Variants in ABHD17A observed in about 807,000 individuals in gnomAD.
ABHD17A encodes alpha/beta hydrolase domain-containing protein 17A.
ABHD17A carries 10 observed loss-of-function variants against 26.8 expected under a neutral mutation model. The observed-to-expected ratio is 0.37, with a 90% CI of 0.23 to 0.63. The LOEUF (loss-of-function observed/expected upper bound fraction) is 0.63. Ranked by LOEUF, ABHD17A falls within the 30% of genes least tolerant of loss-of-function variation. ABHD17A has a pLI of 0.61. For missense variants in ABHD17A, 292 were observed against 457.3 expected (o/e 0.64, Z 3.30); for synonymous variants, 167 against 210.9 (o/e 0.79, Z 1.80).
Position 1,880,770 on chromosome 19 carries a change from T to TGCCAGGAGCAGGTGGC in ABHD17A, c.332+449_332+464dup, listed in dbSNP as rs2092252279. ...CCAGCACGGGAGCTGCCCCAGGTGGTGCCAGGAGCAGGTGGCCAGGCTGGC... is the reference window on the plus strand; with the variant it reads ...CCAGCACGGGAGCTGCCCCAGGTGGTGCCAGGAGCAGGTGGCGCCAGGAGCAGGTGGCCAGGCTGGC... On this transcript the variant is annotated intron_variant, in intron 2 of 4. Transcript: ENST00000292577. The surrounding 1 kb of genome is among the most constrained non-coding windows in gnomAD (Gnocchi z 4.1). 1.5e-6 allele frequency: 2 copies of TGCCAGGAGCAGGTGGC among 1,361,706 alleles called. No individual in the cohort carries two copies. The highest frequency in any genetic ancestry group is 1.4e-5 in the South Asian group (1 of 72,248). The allele number at this position is 1,361,706 out of a possible 1,614,324, so 84.4% of individuals were successfully genotyped here. A position where few individuals can be genotyped will look rare whatever the true frequency, so the allele number is the denominator to read the frequency against.
Position 1,881,638 on chromosome 19 carries a change from G to A in ABHD17A, c.-72C>T, listed in dbSNP as rs1443708282. 7.0e-6 allele frequency: 10 copies of A among 1,427,636 alleles called. No individual in the cohort carries two copies. The highest frequency in any genetic ancestry group is 1.5e-5 in the African/African-American group (1 of 66,770). The allele number at this position is 1,427,636 out of a possible 1,614,324, so 88.4% of individuals were successfully genotyped here. ...ACGCCGCCCGGCCTGGCCCGGCAGG[G>A]GAGGGGTGGGGGTGCTCCGAGTCGC... On this transcript the variant is annotated 5_prime_UTR_variant, in exon 2 of 5. Coordinates refer to ENST00000292577, the MANE Select transcript of ABHD17A (RefSeq NM_001130111.2).
At position 1,877,136 on chromosome 19, in the gene ABHD17A, G is replaced by A. The variant is rs1303903669; in HGVS notation, c.*64C>T. Reference sequence around the variant, plus strand: ...GGTCCACATGCAGCCCCTGGGTGGGGGCCGGCGCGGGGTGAGGTCCGGGGG... The same window carrying A: ...GGTCCACATGCAGCCCCTGGGTGGGAGCCGGCGCGGGGTGAGGTCCGGGGG... On this transcript the variant is annotated 3_prime_UTR_variant, in exon 5 of 5. Transcript: ENST00000292577. The A allele has an allele frequency of 1.8e-5, 27 of 1,461,706 alleles. No individual in the cohort carries two copies. The highest frequency in any genetic ancestry group is 2.0e-5 in the Non-Finnish European group (22 of 1,085,640). 90.5% of individuals were successfully genotyped at this position (1,461,706 alleles called of 1,614,324 possible). A position where few individuals can be genotyped will look rare whatever the true frequency, so the allele number is the denominator to read the frequency against.
rs2012455083 is a variant in ABHD17A, at chr19:1,879,247, C to T, written c.527+674G>A. The stretch of plus-strand genomic sequence containing the variant: ...TGGGCAGGGCCAGGACGAGACAGGC[C>T]CAGTGGATGGTGAGCAGGAAAAGCC... On this transcript the variant is annotated intron_variant, in intron 3 of 4. Transcript: ENST00000292577. This position sits in a 1 kb window ranked among gnomAD's most constrained non-coding sequence, Gnocchi z 7.6. 6.4e-6 allele frequency: 1 copy of T among 157,416 alleles called. No homozygotes were observed. Among genetic ancestry groups the T allele is most frequent in the African/African-American group, 2.4e-5 (1 of 41,450 alleles). The allele number at this position is 157,416 out of a possible 1,614,324, so 9.8% of individuals were successfully genotyped here.
rs1295508904 is a variant in ABHD17A at position 1,880,656 on chromosome 19, C to G, written c.333-541G>C. Among the ~76,000 whole-genome samples the G allele has an allele frequency of 2.0e-5, 3 of 152,152 alleles. No individual in the cohort carries two copies. The East Asian group carries it at 5.8e-4, about 29-fold the overall frequency. ...CACCCCTGCCCCCAACAAGCAAATG[C>G]GGCCAATCTCTGCTCACACTCATGC... On this transcript the variant is annotated intron_variant, in intron 2 of 4. Coordinates refer to ENST00000292577, the MANE Select transcript of ABHD17A (RefSeq NM_001130111.2). The surrounding 1 kb of genome is among the most constrained non-coding windows in gnomAD (Gnocchi z 4.1).
chr19:1,884,375 C>T (rs925166873), intron 1 of ABHD17A, among the ~76,000 whole-genome samples: 14 of 152,148 alleles, frequency 9.2e-5, no homozygotes, highest in African/African-American at 3.1e-4. Context: ...CACTAATGGG[C>T]GTGGACTGGG....
At position 1,880,864 on chromosome 19, in the gene ABHD17A, C is replaced by T. The variant is rs1200293748; in HGVS notation, c.332+371G>A. On this transcript the variant is annotated intron_variant, in intron 2 of 4. Coordinates refer to ENST00000292577, the MANE Select transcript of ABHD17A (RefSeq NM_001130111.2). The surrounding 1 kb of genome is among the most constrained non-coding windows in gnomAD (Gnocchi z 4.1). ...AGCCCAGCCAGAAGGTAAAGGCTCG[C>T]CCTCTGGACTCAGATCTGGTCAGAA... The T allele has an allele frequency of 6.2e-7, 1 of 1,612,112 alleles. No individual in the cohort carries two copies. The highest frequency in any genetic ancestry group is 8.5e-7 in the Non-Finnish European group (1 of 1,179,446).
chr19:1,877,334 A>G lies in ABHD17A; in HGVS notation c.799T>C (p.Tyr267His). 1 of 1,534,064 alleles carries G rather than the reference A, an allele frequency of 6.5e-7. No individual in the cohort carries two copies. Among genetic ancestry groups the G allele is most frequent in the Non-Finnish European group, 8.7e-7 (1 of 1,146,286 alleles). ...TCCACCGCCTTGGGGCAGCGCTCGTAGAGCGCCAGCCCGTGCGAGAAGTCG... is the reference window on the plus strand; with the variant it reads ...TCCACCGCCTTGGGGCAGCGCTCGTGGAGCGCCAGCCCGTGCGAGAAGTCG... The part of the protein sequence containing the change: ...VIDFSHGLAL[Y>H]ERCPKAVEPL... The change falls in exon 5 of 5, where the codon TAC (tyrosine) becomes CAC (histidine). Residue 267 changes from tyrosine to histidine, a missense_variant. Coordinates refer to ENST00000292577, the MANE Select transcript of ABHD17A (RefSeq NM_001130111.2).
At position 1,881,746 on chromosome 19, in the gene ABHD17A, C is replaced by T. The variant is rs1376229378; in HGVS notation, c.-180G>A. 2 of 815,052 alleles carry T rather than the reference C, an allele frequency of 2.5e-6. No individual in the cohort carries two copies. The highest frequency in any genetic ancestry group is 3.6e-5 in the African/African-American group (2 of 54,880). 50.5% of individuals were successfully genotyped at this position (815,052 alleles called of 1,614,324 possible). On this transcript the variant is annotated 5_prime_UTR_variant, in exon 2 of 5. It introduces an in-frame stop codon into an upstream open reading frame of the 5' UTR. Transcript: ENST00000292577. ...GCCAGGGCCCAGCCCCATCGCGGTCCAAGCCGAGCCCCAGGGAGCCTCGCA... is the reference window on the plus strand; with the variant it reads ...GCCAGGGCCCAGCCCCATCGCGGTCTAAGCCGAGCCCCAGGGAGCCTCGCA...
chr19:1,881,500 C>T lies in ABHD17A; in HGVS notation c.67G>A (p.Ala23Thr), dbSNP rs558746495. The T allele has an allele frequency of 1.2e-6, 2 of 1,604,330 alleles. No homozygotes were observed. The highest frequency in any genetic ancestry group is 2.2e-5 in the East Asian group (1 of 44,808). Residue 23 changes from alanine to threonine, a missense_variant, in exon 2 of 5, where the codon GCT becomes ACT. Ala to Thr is a moderately conservative substitution (Grantham distance 58). Around this residue, in one of 4 missense-constraint regions of ABHD17A, gnomAD observed 171 missense variants for 216.1 expected, o/e 0.79. Transcript: ENST00000292577. Reference protein sequence around the residue: ...FCCPPCPGRIAAKLAFLPPEA... With the variant: ...FCCPPCPGRITAKLAFLPPEA... Reference sequence around the variant, plus strand: ...GGCGGCAGGAAGGCGAGCTTGGCAGCGATGCGGCCGGGGCAGGGCGGGCAG... The same window carrying T: ...GGCGGCAGGAAGGCGAGCTTGGCAGTGATGCGGCCGGGGCAGGGCGGGCAG...
chr19:1,880,795 C>G lies in ABHD17A; in HGVS notation c.332+440G>C, dbSNP rs952763162. ...TGCCAGGAGCAGGTGGCCAGGCTGG[C>G]CCTGCCATGGACTGCTTCCTCCAGT... On this transcript the variant is annotated intron_variant, in intron 2 of 4. Transcript: ENST00000292577. The surrounding 1 kb of genome is among the most constrained non-coding windows in gnomAD (Gnocchi z 4.1). 3.5e-5 allele frequency: 53 copies of G among 1,520,856 alleles called. No individual in the cohort carries two copies. In the African/African-American group the frequency reaches 6.9e-4, roughly 20 times the overall value. The allele number at this position is 1,520,856 out of a possible 1,614,324, so 94.2% of individuals were successfully genotyped here.
At position 1,880,587 on chromosome 19, in the gene ABHD17A, A is replaced by C. The variant is rs4807159; in HGVS notation, c.333-472T>G. Among the ~76,000 whole-genome samples the C allele has an allele frequency of 0.62, 93,658 of 151,828 alleles. 28,847 individuals are homozygous for C. The highest frequency in any genetic ancestry group is 0.69 in the Middle Eastern group (201 of 292). The stretch of plus-strand genomic sequence containing the variant: ...GCTGCTGGCAGGGCTATCTCCCCTC[A>C]CCTCACAGAATGGTGCCCTCACTGT... On this transcript the variant is annotated intron_variant, in intron 2 of 4. Coordinates refer to ENST00000292577, the MANE Select transcript of ABHD17A (RefSeq NM_001130111.2). The surrounding 1 kb of genome is among the most constrained non-coding windows in gnomAD (Gnocchi z 4.1).
intron 1 of ABHD17A, 115 bp from the exon 2 acceptor site, chr19:1,881,919 C>T (rs530132508): frequency 2.7e-5 from 7 of 260,762 alleles, no homozygotes; most frequent in Admixed American, 2.2e-4. Context: ...CGGGGCCTGT[C>T]AGTCCCCATC....
rs906222612 is a variant in ABHD17A, at chr19:1,880,634, C to G, written c.333-519G>C. Among the ~76,000 whole-genome samples, 7 of 152,172 alleles carry G rather than the reference C, an allele frequency of 4.6e-5. No homozygotes were observed. The highest frequency in any genetic ancestry group is 3.3e-4 in the Admixed American group (5 of 15,284). On this transcript the variant is annotated intron_variant, in intron 2 of 4. Transcript: ENST00000292577. This position sits in a 1 kb window ranked among gnomAD's most constrained non-coding sequence, Gnocchi z 4.1. ...CTGTTGGGGCACAACTGGACCCCAC[C>G]CCTGCCCCCAACAAGCAAATGCGGC... is the stretch of plus-strand genomic sequence containing the variant.
chr19:1,881,170 C>T (rs373668416), intron 2 of ABHD17A, 65 bp downstream of exon 2: 63 of 1,595,544 alleles, frequency 3.9e-5, no homozygotes, highest in African/African-American at 3.5e-4. Context: ...CACCAAGCAC[C>T]GCAGGCAGAA....
At position 1,876,927 on chromosome 19, in the gene ABHD17A, T is replaced by TGAGC; in HGVS notation, c.*269_*272dup. On this transcript the variant is annotated 3_prime_UTR_variant, in exon 5 of 5. Coordinates refer to ENST00000292577, the MANE Select transcript of ABHD17A (RefSeq NM_001130111.2). Reference sequence around the variant, plus strand: ...AACCCCGGCCCCCTTTCGAGCTCGCTGAGCGCTCGAGAGAGTGAGCAGAGC... The same window carrying TGAGC: ...AACCCCGGCCCCCTTTCGAGCTCGCTGAGCGAGCGCTCGAGAGAGTGAGCAGAGC... 2.1e-6 allele frequency: 1 copy of TGAGC among 478,640 alleles called. No individual in the cohort carries two copies. Among genetic ancestry groups the TGAGC allele is most frequent in the Non-Finnish European group, 3.8e-6 (1 of 266,028 alleles). 29.6% of individuals were successfully genotyped at this position (478,640 alleles called of 1,614,324 possible). A position where few individuals can be genotyped will look rare whatever the true frequency, so the allele number is the denominator to read the frequency against.
rs2012479237 is a variant in ABHD17A at position 1,880,046 on chromosome 19, C to T, written c.402G>A (p.Leu134=). Residue 134 remains leucine, a synonymous_variant, in exon 3 of 5, where the codon CTG becomes CTA. Coordinates refer to ENST00000292577, the MANE Select transcript of ABHD17A (RefSeq NM_001130111.2). The surrounding 1 kb of genome is among the most constrained non-coding windows in gnomAD (Gnocchi z 4.1). The part of the protein sequence containing the change: ...LGQMSSFYIG[L]GSRLHCNIFS... ...AGATGTTGCAGTGGAGGCGGGAGCC[C>T]AGGCCAATGTAGAAGCTGCTCATCT... 1.2e-6 allele frequency: 2 copies of T among 1,612,618 alleles called. No individual in the cohort carries two copies. Among genetic ancestry groups the T allele is most frequent in the East Asian group, 2.2e-5 (1 of 44,888 alleles).
Position 1,880,176 on chromosome 19 carries a change from G to A in ABHD17A, c.333-61C>T, listed in dbSNP as rs2012483838. 1.3e-6 allele frequency: 2 copies of A among 1,583,726 alleles called. No homozygotes were observed. Among genetic ancestry groups the A allele is most frequent in the South Asian group, 2.3e-5 (2 of 88,744 alleles). On this transcript the variant is annotated intron_variant, in intron 2 of 4. Transcript: ENST00000292577. The surrounding 1 kb of genome is among the most constrained non-coding windows in gnomAD (Gnocchi z 4.1). ...CTCCCAGCGCCCAGCTGCAGGGCAG[G>A]AGGATGCGTAGTGACAGCCCACCCC...
rs2012463194 is a variant in ABHD17A, at chr19:1,879,553, T to A, written c.527+368A>T. On this transcript the variant is annotated intron_variant, in intron 3 of 4. Coordinates refer to ENST00000292577, the MANE Select transcript of ABHD17A (RefSeq NM_001130111.2). The surrounding 1 kb of genome is among the most constrained non-coding windows in gnomAD (Gnocchi z 7.6). ...CCTCGCCTCACTTGGCCCCAAGTGC[T>A]GCCTCGGCCGATGGGCTCCCAGCCA... 12 of 323,166 alleles carry A rather than the reference T, an allele frequency of 3.7e-5. No individual in the cohort carries two copies. Among genetic ancestry groups the A allele is most frequent in the South Asian group, 3.3e-4 (11 of 33,076 alleles). The allele number at this position is 323,166 out of a possible 1,614,324, so 20.0% of individuals were successfully genotyped here.
At position 1,881,356 on chromosome 19, in the gene ABHD17A, T is replaced by C. The variant is rs767980318; in HGVS notation, c.211A>G (p.Thr71Ala). The change falls in exon 2 of 5, where the codon ACG (threonine) becomes GCG (alanine). Residue 71 changes from threonine to alanine, a missense_variant. Around this residue, in one of 4 missense-constraint regions of ABHD17A, gnomAD observed 171 missense variants for 216.1 expected, o/e 0.79. Coordinates refer to ENST00000292577, the MANE Select transcript of ABHD17A (RefSeq NM_001130111.2). ...GAPGRWKLHLTERADFQYSQR... is the reference protein window; with the variant it reads ...GAPGRWKLHLAERADFQYSQR... ...CTGTACTGGAAGTCGGCACGCTCCGTCAGGTGCAGCTTCCAGCGCCCGGGT... is the reference window on the plus strand; with the variant it reads ...CTGTACTGGAAGTCGGCACGCTCCGCCAGGTGCAGCTTCCAGCGCCCGGGT... The C allele has an allele frequency of 6.2e-7, 1 of 1,609,274 alleles. No homozygotes were observed. Among genetic ancestry groups the C allele is most frequent in the South Asian group, 1.1e-5 (1 of 90,966 alleles).
Sources: allele counts gnomAD v4.1 joint callset (sites outside exome capture counted in the v4.1 genomes callset), GRCh38; gene constraint gnomAD v4.1.1; regional missense constraint gnomAD v4.1.1; non-coding constraint Gnocchi (gnomAD v3.1); transcripts MANE v1.5; gene names NCBI Gene and HGNC (gene_info 2026-07-23, HGNC 2026-07-21).